Variants in MAP7D2 observed in about 807,000 individuals in gnomAD.
MAP7D2 encodes MAP7 domain-containing protein 2.
In MAP7D2, 33 loss-of-function variants were observed where a neutral mutation model predicts 63.5. The ratio of observed to expected loss-of-function variants is 0.52; its 90% CI spans 0.39 to 0.70. The LOEUF is 0.70. Ranked by LOEUF, MAP7D2 falls within the 30% of genes least tolerant of loss-of-function variation. The pLI, the probability that MAP7D2 is intolerant of heterozygous loss-of-function variation, is 0.00. For synonymous variants in MAP7D2, 224 were observed against 223.7 expected, an observed-to-expected ratio of 1.00 and a Z score of -0.01; for missense variants, 626 against 604.0, an observed-to-expected ratio of 1.04 and a Z score of -0.38.
chrX:20,024,595 T>C (rs1194908871), intron 10 of MAP7D2, among the ~76,000 whole-genome samples: 1 of 111,957 alleles, frequency 8.9e-6, no homozygotes, highest in Non-Finnish European at 1.9e-5. Context: ...CTTGAACCTC[T>C]TGTTTTCCCA....
chrX:20,038,736 A>T (rs778372811), intron 8 of MAP7D2, among the ~76,000 whole-genome samples: 5 of 111,533 alleles, frequency 4.5e-5, no homozygotes, highest in African/African-American at 6.5e-5. Flanking sequence ...GATACAACAA[A>T]GATTGCCCCC....
intron 1 of MAP7D2, among the ~76,000 whole-genome samples, chrX:20,086,672 C>T (rs2065918115): frequency 8.9e-6 from 1 of 111,787 alleles, no homozygotes; most frequent in African/African-American, 3.2e-5. Context: ...ATTTCGACAA[C>T]AGCCAGTTTA....
intron 8 of MAP7D2, among the ~76,000 whole-genome samples, chrX:20,039,306 A>G (rs1478644342): frequency 1.8e-5 from 2 of 112,560 alleles, no homozygotes; most frequent in African/African-American, 3.2e-5. Flanking sequence ...TGGTGGATGA[A>G]GAAACTATTG....
intron 3 of MAP7D2, among the ~76,000 whole-genome samples, chrX:20,060,500 C>A (rs747213251): frequency 9.2e-6 from 1 of 109,257 alleles, no homozygotes; most frequent in Non-Finnish European, 1.9e-5. Context: ...GAGAAAGAGG[C>A]CTTTCTCTTT....
rs2073042289 is a variant in MAP7D2, at chrX:20,007,344, A to G, written c.*1081T>C. On this transcript the variant is annotated 3_prime_UTR_variant, in exon 17 of 17. Coordinates refer to ENST00000379643, the MANE Select transcript of MAP7D2 (RefSeq NM_001168465.2). ...AAAAGGTCATTTTAATTTGAAAGCC[A>G]CATTTCGCCACAAGAAACAAAATTA... The G allele has an allele frequency of 8.9e-6, 1 of 112,401 alleles. No homozygotes were observed. The allele number at this position is 112,401 out of a possible 1,213,427, so 9.3% of individuals were successfully genotyped here.
At chrX:20,064,054 A>G (rs755208238) in intron 2 of MAP7D2, among the ~76,000 whole-genome samples, 1 of 112,331 alleles carries the variant, frequency 8.9e-6, no homozygotes, top group South Asian at 3.7e-4. Context: ...GGTAAAACAC[A>G]CGAACAAAAT....
chrX:20,009,885 C>T (rs948326217), intron 16 of MAP7D2, among the ~76,000 whole-genome samples: 1 of 109,887 alleles, frequency 9.1e-6, no homozygotes, highest in African/African-American at 3.3e-5. Flanking sequence ...GATCCAACTA[C>T]TCAGGAGGCT....
chrX:20,016,325 C>G lies in MAP7D2; in HGVS notation c.1413G>C (p.Arg471Ser), dbSNP rs1258075491. ...TTCTTTTCAATTCCTCTCTCTCCAGCCTTTTGAGAATACAACTGTTGTTAG... is the reference window on the plus strand; with the variant it reads ...TTCTTTTCAATTCCTCTCTCTCCAGGCTTTTGAGAATACAACTGTTGTTAG... ...QERLEKEEQDRLEREELKRKA... is the reference protein window; with the variant it reads ...QERLEKEEQDSLEREELKRKA... The change falls in exon 11 of 17, where the codon AGG becomes AGC. Residue 471 changes from arginine (R) to serine (S), a missense_variant and splice_region_variant. Physicochemically the swap from Arg to Ser is moderately radical, Grantham distance 110 (BLOSUM62 -1). Transcript: ENST00000379643. The G allele has an allele frequency of 8.3e-7, 1 of 1,205,888 alleles. No individual in the cohort carries two copies. The highest frequency in any genetic ancestry group is 1.1e-6 in the Non-Finnish European group (1 of 892,156).
chrX:20,061,224 T>C (rs923151678), intron 3 of MAP7D2, among the ~76,000 whole-genome samples: 2 of 108,674 alleles, frequency 1.8e-5, no homozygotes, highest in African/African-American at 3.4e-5. Context: ...AGAGCTCCCC[T>C]TGAATCATAG....
chrX:20,040,312 A>G (rs1422975583), intron 8 of MAP7D2, among the ~76,000 whole-genome samples: 1 of 111,917 alleles, frequency 8.9e-6, no homozygotes, highest in Admixed American at 9.5e-5. Context: ...ATATACATCT[A>G]TCCTATTAGT....
chrX:20,099,564 T>C (rs1462509457), intron 1 of MAP7D2, among the ~76,000 whole-genome samples: 3 of 111,958 alleles, frequency 2.7e-5, no homozygotes, highest in Admixed American at 1.9e-4. Context: ...TGGAAATTCA[T>C]CTCTACTCTG....
intron 1 of MAP7D2, among the ~76,000 whole-genome samples, chrX:20,109,519 C>CAAA (rs60683453): frequency 2.1e-4 from 7 of 32,971 alleles, no homozygotes; most frequent in Non-Finnish European, 2.8e-4. Context: ...GACTCCGTCT[C>CAAA]AAAAAAAAAA....
At chrX:20,086,581 C>T (rs2065916200) in intron 1 of MAP7D2, among the ~76,000 whole-genome samples, 1 of 111,365 alleles carries the variant, frequency 9.0e-6, no homozygotes, top group Admixed American at 9.6e-5. Context: ...AAATAGGAAG[C>T]AGCCTCAGGA....
At chrX:20,081,089 T>C (rs749412614) in intron 1 of MAP7D2, among the ~76,000 whole-genome samples, 47 of 112,102 alleles carry the variant, frequency 4.2e-4, no homozygotes, top group African/African-American at 1.4e-3. Flanking sequence ...AGCTTGTTGC[T>C]TTTTCTCAGC....
chrX:20,115,719 TAAG>T (rs760581646), intron 1 of MAP7D2, among the ~76,000 whole-genome samples: 16 of 111,795 alleles, frequency 1.4e-4, no homozygotes, highest in East Asian at 5.6e-4. Flanking sequence ...AAGCGTGTTT[TAAG>T]AAGATTTCTC....
At position 20,025,730 on chromosome X, in the gene MAP7D2, G is replaced by A. The variant is rs373700513; in HGVS notation, c.1230C>T (p.Ala410=). Residue 410 remains alanine, a synonymous_variant, in exon 9 of 17, where the codon GCC becomes GCT. Coordinates refer to ENST00000379643, the MANE Select transcript of MAP7D2 (RefSeq NM_001168465.2). ...ALEKHVVDKH[A]SEKHAAAAGG... is the part of the protein sequence containing the mutation. ...CTGCGGCAGCAGCATGCTTCTCGCT[G>A]GCATGCTTGTCCACTACATGCTTCT... 1.7e-6 allele frequency: 2 copies of A among 1,211,835 alleles called. No homozygotes were observed. The highest frequency in any genetic ancestry group is 3.5e-5 in the African/African-American group (2 of 57,841).
chrX:20,080,647 C>T (rs755426273), intron 1 of MAP7D2, among the ~76,000 whole-genome samples: 48 of 111,187 alleles, frequency 4.3e-4, no homozygotes, highest in African/African-American at 1.5e-3. Context: ...CCCCACATCC[C>T]CCAGCAAGTA....
At chrX:20,101,973 T>C (rs1258900935) in intron 1 of MAP7D2, among the ~76,000 whole-genome samples, 3 of 112,364 alleles carry the variant, frequency 2.7e-5, no homozygotes. Context: ...CCTAAATGAA[T>C]CTATTTTAAT....
At chrX:20,035,782 G>A (rs781505301) in intron 8 of MAP7D2, among the ~76,000 whole-genome samples, 53 of 109,880 alleles carry the variant, frequency 4.8e-4, no homozygotes, top group Admixed American at 3.6e-3. Context: ...GTGTGGTGGC[G>A]CGCACCAGTA....
Sources: allele counts gnomAD v4.1 joint callset (sites outside exome capture counted in the v4.1 genomes callset), GRCh38; gene constraint gnomAD v4.1.1; transcripts MANE v1.5; gene names NCBI Gene and HGNC (gene_info 2026-07-23, HGNC 2026-07-21).